SPRED2: variants seen among roughly 807,000 people sequenced by gnomAD.
SPRED2 encodes the protein sprouty related EVH1 domain containing 2.
SPRED2 carries 47 observed loss-of-function variants against 43.0 expected under a neutral mutation model. The observed-to-expected ratio is 1.09, with a 90% CI of 0.87 to 1.40. The LOEUF is 1.40. Among genes scored for constraint, SPRED2 ranks in the 40% most tolerant of loss-of-function variants. The probability of loss-of-function intolerance (pLI) is 0.00; values close to 1 mark genes in which losing one functional copy is unlikely to be tolerated. For synonymous variants in SPRED2, 225 were observed against 225.7 expected (o/e 1.00, Z 0.03); for missense variants, 561 against 586.4 (o/e 0.96, Z 0.45).
At chr2:65,372,264 A>G (rs368588156) in intron 1 of SPRED2, among the ~76,000 whole-genome samples, 122 of 152,268 alleles carry the variant, frequency 8.0e-4, no homozygotes, top group African/African-American at 2.8e-3. Context: ...GTGTGGAGGG[A>G]AAATCAGGGC....
chr2:65,344,149 A>AC lies in SPRED2; in HGVS notation c.204+569_204+570insG, dbSNP rs1276991927. 149 of 157,702 alleles carry AC rather than the reference A, an allele frequency of 9.4e-4. 2 individuals carry two copies. In the East Asian group the frequency reaches 0.01, roughly 11 times the overall value. 9.8% of individuals were successfully genotyped at this position (157,702 alleles called of 1,614,324 possible). ...GAGACTCCGTCTCAAAAAAAAAAAA[A>AC]AAAAAAAAAAACCCAAAAAAACCCA... On this transcript the variant is annotated intron_variant, in intron 2 of 5. Transcript: ENST00000356388.
chr2:65,395,038 G>A (rs1039390639), intron 1 of SPRED2, among the ~76,000 whole-genome samples: 1 of 152,070 alleles, frequency 6.6e-6, no homozygotes, highest in Non-Finnish European at 1.5e-5. Flanking sequence ...GCCATCCCCA[G>A]TAACCTTGGG....
At chr2:65,386,220 G>A (rs772082233) in intron 1 of SPRED2, among the ~76,000 whole-genome samples, 2 of 146,116 alleles carry the variant, frequency 1.4e-5, no homozygotes, top group South Asian at 2.3e-4. Flanking sequence ...GGGAGATGGA[G>A]GTTGCAGGGA....
chr2:65,389,215 G>A (rs1332640571), intron 1 of SPRED2, among the ~76,000 whole-genome samples: 1 of 149,870 alleles, frequency 6.7e-6, no homozygotes, highest in East Asian at 2.0e-4. Context: ...TCCTCTTCCA[G>A]AGACAGCAAT....
At chr2:65,419,234 T>C (rs772080528) in intron 1 of SPRED2, among the ~76,000 whole-genome samples, 1 of 152,116 alleles carries the variant, frequency 6.6e-6, no homozygotes, top group African/African-American at 2.4e-5. Context: ...ACTCCAAGAG[T>C]AGAAAGGGGA....
At chr2:65,333,221 G>A (rs1673864827) in intron 3 of SPRED2, among the ~76,000 whole-genome samples, 1 of 146,502 alleles carries the variant, frequency 6.8e-6, no homozygotes, top group Non-Finnish European at 1.5e-5. Flanking sequence ...AGCCGAGATG[G>A]CACCACTGCA....
At chr2:65,327,717 T>C (rs112544598) in intron 4 of SPRED2, among the ~76,000 whole-genome samples, 21 of 102,794 alleles carry the variant, frequency 2.0e-4, no homozygotes, top group Non-Finnish European at 3.0e-4. Flanking sequence ...TTCTTTCTTT[T>C]TTTTTTTTTT....
At position 65,401,936 on chromosome 2, in the gene SPRED2, C is replaced by CGT. The variant is rs1287265563; in HGVS notation, c.26+30025_26+30026insAC. On this transcript the variant is annotated intron_variant, in intron 1 of 5. Transcript: ENST00000356388. ...AACGATCAGAATATTAGCGCGCGCG[C>CGT]GCACACACACACACACACACACACA... Among the ~76,000 whole-genome samples the CGT allele has an allele frequency of 4.5e-3, 458 of 101,138 alleles. 8 individuals are homozygous for CGT. The highest frequency in any genetic ancestry group is 0.022 in the African/African-American group (423 of 19,432). The allele number at this position is 101,138 out of a possible 152,430, so 66.4% of individuals were successfully genotyped here.
chr2:65,428,138 AATCT>A (rs1422116843), intron 1 of SPRED2, among the ~76,000 whole-genome samples: 6 of 152,226 alleles, frequency 3.9e-5, no homozygotes, highest in Non-Finnish European at 7.3e-5. Flanking sequence ...GCCTGAAAGA[AATCT>A]ATCTCAGTGC....
chr2:65,368,465 G>A (rs956018376), intron 1 of SPRED2, among the ~76,000 whole-genome samples: 5 of 152,156 alleles, frequency 3.3e-5, no homozygotes, highest in Non-Finnish European at 7.4e-5. Context: ...GGTAGAAATG[G>A]GGGAAATTAA....
chr2:65,370,303 A>C (rs1675093226), intron 1 of SPRED2, among the ~76,000 whole-genome samples: 1 of 146,544 alleles, frequency 6.8e-6, no homozygotes, highest in Non-Finnish European at 1.5e-5. Flanking sequence ...CCACATACAG[A>C]ACACTCATCA....
intron 2 of SPRED2, among the ~76,000 whole-genome samples, chr2:65,343,913 G>A (rs1378849888): frequency 1.3e-5 from 2 of 152,030 alleles, no homozygotes; most frequent in South Asian, 4.2e-4. Context: ...TTGGGAGGCC[G>A]AGGTGGGTGG....
At chr2:65,330,258 C>T (rs1673771373) in intron 4 of SPRED2, among the ~76,000 whole-genome samples, 1 of 152,154 alleles carries the variant, frequency 6.6e-6, no homozygotes, top group African/African-American at 2.4e-5. Flanking sequence ...AGTTGCAAAC[C>T]ATGAGTACAA....
chr2:65,410,030 GAAAA>G (rs778669871), intron 1 of SPRED2, among the ~76,000 whole-genome samples: 1 of 104,382 alleles, frequency 9.6e-6, no homozygotes, highest in Non-Finnish European at 2.0e-5. Flanking sequence ...CTCTGCCTCG[GAAAA>G]AAAAAAAAAA....
intron 5 of SPRED2, 57 bp downstream of exon 5, chr2:65,316,677 A>C: frequency 2.6e-6 from 4 of 1,557,690 alleles, no homozygotes; most frequent in Non-Finnish European, 3.5e-6. Flanking sequence ...GAAAGAGGCC[A>C]TTCCAGAATC....
At chr2:65,409,240 G>GC (rs1480625267) in intron 1 of SPRED2, among the ~76,000 whole-genome samples, 2 of 150,110 alleles carry the variant, frequency 1.3e-5, no homozygotes, top group Non-Finnish European at 3.0e-5. Context: ...GTAGCAGCCA[G>GC]CAGCCACAAG....
At chr2:65,338,946 C>A (rs542247268) in intron 2 of SPRED2, among the ~76,000 whole-genome samples, 4 of 149,954 alleles carry the variant, frequency 2.7e-5, no homozygotes, top group East Asian at 2.0e-4. Flanking sequence ...GCCTCTGCCC[C>A]GCCGCCCCGT....
chr2:65,345,012 T>G, intron 1 of SPRED2, 116 bp from the exon 2 acceptor site: 1 of 1,038,900 alleles, frequency 9.6e-7, no homozygotes, highest in Non-Finnish European at 1.3e-6. Flanking sequence ...TCGAAAGAAA[T>G]CTATGCTTGG....
At chr2:65,382,023 A>T (rs1675384840) in intron 1 of SPRED2, among the ~76,000 whole-genome samples, 1 of 152,280 alleles carries the variant, frequency 6.6e-6, no homozygotes, top group Non-Finnish European at 1.5e-5. Flanking sequence ...CGCTTGAGTA[A>T]CCACTCCAAA....
Sources: allele counts gnomAD v4.1 joint callset (sites outside exome capture counted in the v4.1 genomes callset), GRCh38; gene constraint gnomAD v4.1.1; transcripts MANE v1.5; gene names NCBI Gene and HGNC (gene_info 2026-07-23, HGNC 2026-07-21).